ROBO1: variants seen among roughly 807,000 people sequenced by gnomAD.
The protein encoded by ROBO1 is roundabout homolog 1.
ROBO1 carries 149 observed loss-of-function variants against 195.9 expected under a neutral mutation model. That is an observed-to-expected ratio of 0.76 (90% CI 0.67 to 0.87). The LOEUF is 0.87. Among genes scored for constraint, ROBO1 ranks in the 40% least tolerant of loss-of-function variants. The pLI, the probability that ROBO1 is intolerant of heterozygous loss-of-function variation, is 0.00. For synonymous variants in ROBO1, 816 were observed against 733.2 expected (o/e 1.11, Z -1.82); for missense variants, 1,933 against 2,068.3 (o/e 0.93, Z 1.27).
At chr3:79,276,118 AT>A (rs1420384408) in intron 2 of ROBO1, among the ~76,000 whole-genome samples, 2 of 152,092 alleles carry the variant, frequency 1.3e-5, no homozygotes, top group African/African-American at 4.8e-5. Flanking sequence ...CATATAAAAA[AT>A]AATCCTAAAA....
At chr3:79,192,520 C>A (rs1359291213) in intron 2 of ROBO1, among the ~76,000 whole-genome samples, 1 of 151,542 alleles carries the variant, frequency 6.6e-6, no homozygotes, top group Admixed American at 6.6e-5. Flanking sequence ...AGCTGAGATA[C>A]AAACAATTAG....
chr3:78,876,810 G>C (rs1346535994), intron 4 of ROBO1, among the ~76,000 whole-genome samples: 1 of 151,830 alleles, frequency 6.6e-6, no homozygotes, highest in Non-Finnish European at 1.5e-5. Context: ...GGTCAAACCA[G>C]ATAAATACAA....
chr3:79,048,297 T>C (rs2078632012), intron 3 of ROBO1, among the ~76,000 whole-genome samples: 1 of 152,154 alleles, frequency 6.6e-6, no homozygotes, highest in Non-Finnish European at 1.5e-5. Context: ...TATTTTTCCT[T>C]ATGCTTTAGA....
chr3:79,278,752 G>A (rs779913499), intron 2 of ROBO1, among the ~76,000 whole-genome samples: 15 of 151,980 alleles, frequency 9.9e-5, no homozygotes, highest in Non-Finnish European at 1.9e-4. Context: ...GAAAACATAC[G>A]GGAAATGCTT....
chr3:78,679,809 C>T (rs1415137990), intron 10 of ROBO1, among the ~76,000 whole-genome samples: 10 of 152,050 alleles, frequency 6.6e-5, no homozygotes, highest in Middle Eastern at 3.4e-3. Flanking sequence ...AATGACTTTC[C>T]TCACAGAATT....
chr3:79,514,949 C>T (rs374183448), intron 2 of ROBO1, among the ~76,000 whole-genome samples: 5 of 152,174 alleles, frequency 3.3e-5, no homozygotes, highest in African/African-American at 1.2e-4. Flanking sequence ...TATTTTACTG[C>T]ATTTTCCCAT....
At chr3:79,038,880 C>T (rs2078430231) in intron 3 of ROBO1, among the ~76,000 whole-genome samples, 2 of 152,106 alleles carry the variant, frequency 1.3e-5, no homozygotes, top group South Asian at 4.1e-4. Flanking sequence ...CAAGCACATG[C>T]CCAAATCAAG....
chr3:79,619,915 A>G (rs1944950961), intron 1 of ROBO1, among the ~76,000 whole-genome samples: 1 of 152,184 alleles, frequency 6.6e-6, no homozygotes, highest in Admixed American at 6.5e-5. Flanking sequence ...CTCGCCTTCA[A>G]GGTGTACAAT....
intron 2 of ROBO1, among the ~76,000 whole-genome samples, chr3:79,569,256 A>T (rs766598467): frequency 2.6e-5 from 4 of 152,244 alleles, no homozygotes; most frequent in Non-Finnish European, 5.9e-5. Context: ...CACTTTTATT[A>T]ACACTAGGAC....
At chr3:79,111,901 G>A (rs1464254379) in intron 3 of ROBO1, among the ~76,000 whole-genome samples, 1 of 152,146 alleles carries the variant, frequency 6.6e-6, no homozygotes, top group Non-Finnish European at 1.5e-5. Flanking sequence ...GCAGAATGGA[G>A]AGAGAGGAAT....
At chr3:79,248,002 C>T (rs2108900170) in intron 2 of ROBO1, among the ~76,000 whole-genome samples, 1 of 152,186 alleles carries the variant, frequency 6.6e-6, no homozygotes, top group Non-Finnish European at 1.5e-5. Context: ...AAACCTTGGC[C>T]TGTGCTCAAA....
intron 2 of ROBO1, among the ~76,000 whole-genome samples, chr3:79,518,781 C>T (rs1941067179): frequency 6.6e-6 from 1 of 151,814 alleles, no homozygotes; most frequent in South Asian, 2.1e-4. Context: ...AAGCAATTCT[C>T]CTGCCTCAGA....
At chr3:79,169,352 C>T (rs893568003) in intron 2 of ROBO1, among the ~76,000 whole-genome samples, 6 of 151,962 alleles carry the variant, frequency 3.9e-5, no homozygotes, top group Admixed American at 6.6e-5. Context: ...TTTTGCTTGC[C>T]GCACAGGCAT....
At chr3:78,656,987 C>T (rs1406398974) in intron 18 of ROBO1, 111 bp downstream of exon 18, 1 of 1,002,236 alleles carries the variant, frequency 1.0e-6, no homozygotes, top group Non-Finnish European at 1.4e-6. Flanking sequence ...AAGCCATATT[C>T]CATATTCTAT....
intron 2 of ROBO1, among the ~76,000 whole-genome samples, chr3:79,370,798 C>G (rs371453251): frequency 1.2e-4 from 18 of 152,158 alleles, no homozygotes; most frequent in African/African-American, 4.3e-4. Context: ...TTAAGCCCTG[C>G]ATGCATTACA....
chr3:79,440,196 C>G (rs1015808717), intron 2 of ROBO1, among the ~76,000 whole-genome samples: 4 of 151,990 alleles, frequency 2.6e-5, no homozygotes, highest in African/African-American at 9.7e-5. Context: ...TTCCCCTCCC[C>G]ACTGGTTTAA....
At chr3:79,412,635 G>A (rs1404635332) in intron 2 of ROBO1, among the ~76,000 whole-genome samples, 1 of 152,040 alleles carries the variant, frequency 6.6e-6, no homozygotes, top group East Asian at 1.9e-4. Context: ...AAAGGGGGTG[G>A]TAAACAATCA....
chr3:79,137,877 C>G (rs1006732635), intron 2 of ROBO1, among the ~76,000 whole-genome samples: 5 of 152,176 alleles, frequency 3.3e-5, no homozygotes, highest in Non-Finnish European at 7.4e-5. Context: ...TGATTCTTTT[C>G]TAGTCACTGA....
At chr3:78,668,685 C>A in intron 11 of ROBO1, 120 bp from the exon 12 acceptor site, 1 of 731,178 alleles carries the variant, frequency 1.4e-6, no homozygotes, top group Non-Finnish European at 2.2e-6. Flanking sequence ...ATTCACTAAC[C>A]AGAAACTTCC....
Sources: allele counts gnomAD v4.1 joint callset (sites outside exome capture counted in the v4.1 genomes callset), GRCh38; gene constraint gnomAD v4.1.1; transcripts MANE v1.5; gene names NCBI Gene and HGNC (gene_info 2026-07-23, HGNC 2026-07-21).